The following KIAA0513 variants were observed in gnomAD, a reference collection of about 807,000 sequenced individuals.
KIAA0513 encodes uncharacterized protein KIAA0513.
In KIAA0513, 39 loss-of-function variants were observed where a neutral mutation model predicts 56.5. The ratio of observed to expected loss-of-function variants is 0.69; its 90% CI spans 0.53 to 0.90. The LOEUF is 0.90. Among genes scored for constraint, KIAA0513 ranks in the 40% least tolerant of loss-of-function variants. KIAA0513 has a pLI of 0.00. For missense variants in KIAA0513, 591 were observed against 535.2 expected (o/e 1.10, Z -1.03); for synonymous variants, 268 against 215.6 (o/e 1.24, Z -2.13).
chr16:85,039,157 A>G (rs947902808), intron 1 of KIAA0513, among the ~76,000 whole-genome samples: 2 of 152,176 alleles, frequency 1.3e-5, no homozygotes, highest in African/African-American at 4.8e-5. Context: ...CAAACCCTCA[A>G]TTCTCCTGCT....
rs7202820 is a variant in KIAA0513, at chr16:85,053,491, G to A, written c.-172-13409G>A. ...AATAATTAATAGGGTGTAAGGATAG[G>A]CCTGGACTAGAGTTTGCCCCATTAG... On this transcript the variant is annotated intron_variant, in intron 1 of 12. Coordinates refer to ENST00000683363, the MANE Select transcript of KIAA0513 (RefSeq NM_001388359.1). Among the ~76,000 whole-genome samples the A allele has an allele frequency of 6.6e-3, 1,012 of 152,212 alleles. 5 individuals carry two copies. The highest frequency in any genetic ancestry group is 0.012 in the Non-Finnish European group (840 of 67,974).
intron 7 of KIAA0513, 135 bp downstream of exon 7, chr16:85,078,590 G>A: frequency 1.3e-6 from 1 of 790,032 alleles, no homozygotes; most frequent in East Asian, 2.7e-5. Context: ...TGCCCCAGTT[G>A]CTTCCCAGCT....
intron 1 of KIAA0513, among the ~76,000 whole-genome samples, chr16:85,039,417 A>G (rs1204031589): frequency 6.6e-5 from 10 of 152,008 alleles, no homozygotes; most frequent in African/African-American, 2.4e-4. Flanking sequence ...ATCCTCCTGC[A>G]TCAACCTCCT....
intron 1 of KIAA0513, among the ~76,000 whole-genome samples, chr16:85,065,510 C>G (rs545075197): frequency 6.6e-6 from 1 of 152,304 alleles, no homozygotes; most frequent in African/African-American, 2.4e-5. Context: ...TGGAACCAGC[C>G]TTTTCTCTTT....
intron 3 of KIAA0513, among the ~76,000 whole-genome samples, chr16:85,072,696 C>T (rs936989168): frequency 1.3e-5 from 2 of 152,072 alleles, no homozygotes; most frequent in Non-Finnish European, 2.9e-5. Context: ...GGAAGGACAC[C>T]GAGGGGAACC....
chr16:85,031,707 T>G (rs921460199), intron 1 of KIAA0513, among the ~76,000 whole-genome samples: 4 of 152,174 alleles, frequency 2.6e-5, no homozygotes, highest in African/African-American at 9.7e-5. Context: ...TTCCTCCCCT[T>G]TCCATGGCCA....
chr16:85,031,870 C>T (rs749181541), intron 1 of KIAA0513, among the ~76,000 whole-genome samples: 52 of 152,172 alleles, frequency 3.4e-4, no homozygotes, highest in Non-Finnish European at 6.3e-4. Flanking sequence ...TCAGAAATGA[C>T]CTTGTTTAAT....
At chr16:85,073,931 A>G (rs2073616966) in intron 4 of KIAA0513, among the ~76,000 whole-genome samples, 1 of 151,942 alleles carries the variant, frequency 6.6e-6, no homozygotes, top group African/African-American at 2.4e-5. Context: ...ACCAAAAGAA[A>G]GCTGCTCTCT....
chr16:85,038,056 C>G (rs2073057684), intron 1 of KIAA0513, among the ~76,000 whole-genome samples: 1 of 152,198 alleles, frequency 6.6e-6, no homozygotes, highest in Non-Finnish European at 1.5e-5. Flanking sequence ...GATGTATTCC[C>G]AAGTCTGTAA....
Position 85,071,890 on chromosome 16 carries a change from C to T in KIAA0513, c.429+8C>T, listed in dbSNP as rs749436294. 8.3e-6 allele frequency: 13 copies of T among 1,566,532 alleles called. No individual in the cohort carries two copies. Among genetic ancestry groups the T allele is most frequent in the East Asian group, 4.5e-5 (2 of 44,588 alleles). On this transcript the variant is annotated splice_region_variant and intron_variant, in intron 3 of 12. Coordinates refer to ENST00000683363, the MANE Select transcript of KIAA0513 (RefSeq NM_001388359.1). ...CGATACGTGAGTGCCCAGGTAAGGG[C>T]GAGGTGATGGGAAGGATGGGCGTTT...
chr16:85,065,326 C>T (rs565716571), intron 1 of KIAA0513, among the ~76,000 whole-genome samples: 3 of 152,356 alleles, frequency 2.0e-5, no homozygotes, highest in South Asian at 2.1e-4. Context: ...CGACCGGCCA[C>T]TCCTTGCTCT....
rs767621531 is a variant in KIAA0513 at position 85,081,306 on chromosome 16, G to C, written c.903-9G>C. 2 of 1,613,210 alleles carry C rather than the reference G, an allele frequency of 1.2e-6. No homozygotes were observed. Among genetic ancestry groups the C allele is most frequent in the South Asian group, 2.2e-5 (2 of 90,818 alleles). Reference sequence around the variant, plus strand: ...TTGGAGAGAGTGTGACTGGGGCTCTGTCTTGCAGGCACACTCTGAGGTTCT... The same window carrying C: ...TTGGAGAGAGTGTGACTGGGGCTCTCTCTTGCAGGCACACTCTGAGGTTCT... On this transcript the variant is annotated splice_polypyrimidine_tract_variant and intron_variant, in intron 8 of 12. Transcript: ENST00000683363. This position sits in a 1 kb window ranked among gnomAD's most constrained non-coding sequence, Gnocchi z 4.4.
intron 5 of KIAA0513, 93 bp from the exon 6 acceptor site, chr16:85,077,332 C>A: frequency 8.2e-7 from 1 of 1,214,012 alleles, no homozygotes; most frequent in Non-Finnish European, 1.2e-6. Context: ...CCCCACTGCA[C>A]AGGACCCCTG....
rs1177412611 is a variant in KIAA0513, at chr16:85,081,741, G to T, written c.980+349G>T. On this transcript the variant is annotated intron_variant, in intron 9 of 12. Coordinates refer to ENST00000683363, the MANE Select transcript of KIAA0513 (RefSeq NM_001388359.1). This position sits in a 1 kb window ranked among gnomAD's most constrained non-coding sequence, Gnocchi z 4.4. Reference sequence around the variant, plus strand: ...CCTGAGGATGAACGCTTGGAGCAGGGTCCTGGGAGGAAGGGCTGGCCACCA... The same window carrying T: ...CCTGAGGATGAACGCTTGGAGCAGGTTCCTGGGAGGAAGGGCTGGCCACCA... Among the ~76,000 whole-genome samples the T allele has an allele frequency of 1.3e-5, 2 of 152,242 alleles. No homozygotes were observed. Among genetic ancestry groups the T allele is most frequent in the Non-Finnish European group, 1.5e-5 (1 of 68,046 alleles).
chr16:85,049,850 T>G (rs977371100), intron 1 of KIAA0513, among the ~76,000 whole-genome samples: 1 of 152,210 alleles, frequency 6.6e-6, no homozygotes, highest in African/African-American at 2.4e-5. Context: ...CCTGCATCTC[T>G]TAGGGAGCCT....
chr16:85,073,098 T>G, intron 4 of KIAA0513, 100 bp downstream of exon 4: 1 of 953,862 alleles, frequency 1.0e-6, no homozygotes, highest in Non-Finnish European at 1.7e-6. Context: ...CTGTGAACCA[T>G]ATCCACACTA....
At chr16:85,047,790 C>T (rs761368775) in intron 1 of KIAA0513, among the ~76,000 whole-genome samples, 5 of 152,290 alleles carry the variant, frequency 3.3e-5, no homozygotes, top group South Asian at 2.1e-4. Flanking sequence ...CTCTGGATAT[C>T]GAGTTGTATT....
chr16:85,064,252 C>T (rs564509952), intron 1 of KIAA0513, among the ~76,000 whole-genome samples: 6 of 152,142 alleles, frequency 3.9e-5, no homozygotes, highest in South Asian at 2.1e-4. Context: ...GTGATCCACC[C>T]GCCTCAGCCT....
chr16:85,086,519 C>G, intron 10 of KIAA0513, 125 bp from the exon 11 acceptor site: 1 of 875,252 alleles, frequency 1.1e-6, no homozygotes, highest in Non-Finnish European at 1.9e-6. Context: ...GGAAGGCACC[C>G]CCTTCTGTGC....
Sources: allele counts gnomAD v4.1 joint callset (sites outside exome capture counted in the v4.1 genomes callset), GRCh38; gene constraint gnomAD v4.1.1; non-coding constraint Gnocchi (gnomAD v3.1); transcripts MANE v1.5; gene names NCBI Gene and HGNC (gene_info 2026-07-23, HGNC 2026-07-21).